The following SLC13A2 variants were observed in gnomAD, a reference collection of about 807,000 sequenced individuals.
The protein encoded by SLC13A2 is Na(+)-coupled citrate transporter.
Under a neutral mutation model 58.5 loss-of-function variants are expected in SLC13A2, and 40 were observed. The observed-to-expected ratio is 0.68, with a 90% confidence interval of 0.53 to 0.89. The LOEUF (loss-of-function observed/expected upper bound fraction) is 0.89, where lower values mean the gene tolerates loss of function less well. Ranked by LOEUF, SLC13A2 falls within the 40% of genes least tolerant of loss-of-function variation. The pLI is 0.00. For missense variants in SLC13A2, 694 were observed against 772.6 expected, an observed-to-expected ratio of 0.90 and a Z score of 1.21; for synonymous variants, 341 against 331.6, an observed-to-expected ratio of 1.03 and a Z score of -0.31.
In SLC13A2 at chr17:28,496,563, C is replaced by T. The variant is rs782039519; in HGVS notation, c.1584C>T (p.Phe528=). 63 of 1,613,544 alleles carry T rather than the reference C, an allele frequency of 3.9e-5. No individual in the cohort carries two copies. The highest frequency in any genetic ancestry group is 4.7e-5 in the Non-Finnish European group (56 of 1,179,730). The change falls in exon 11 of 12, where the codon TTC becomes TTT. Residue 528 remains phenylalanine (F), a synonymous_variant. Coordinates refer to ENST00000314669, the MANE Select transcript of SLC13A2 (RefSeq NM_003984.4). This position sits in a 1 kb window ranked among gnomAD's most constrained non-coding sequence, Gnocchi z 4.2. ...CGCCCAATGCCATCGTCTTCTCTTT[C>T]GGGGACCTCAAAGTGTTGGATATGG... is the stretch of plus-strand genomic sequence containing the variant. ...ATPPNAIVFS[F]GDLKVLDMAR...
chr17:28,493,511 A>T, intron 6 of SLC13A2, 60 bp from the exon 7 acceptor site: 1 of 1,423,548 alleles, frequency 7.0e-7, no homozygotes, highest in Non-Finnish European at 9.4e-7. Flanking sequence ...AGGCACTCAG[A>T]GCCCCTTGCT....
intron 10 of SLC13A2, among the ~76,000 whole-genome samples, 173 bp downstream of exon 10, chr17:28,495,989 G>T (rs1567861549): frequency 6.6e-6 from 1 of 152,190 alleles, no homozygotes; most frequent in South Asian, 2.1e-4. Context: ...GGGCCCCAAG[G>T]CGCTTTGGCC....
At chr17:28,495,370 T>G (rs1241917812) in intron 9 of SLC13A2, among the ~76,000 whole-genome samples, 1 of 152,114 alleles carries the variant, frequency 6.6e-6, no homozygotes, top group East Asian at 1.9e-4. Flanking sequence ...CAGGAGTCAG[T>G]GCGGTCAAAG....
intron 1 of SLC13A2, among the ~76,000 whole-genome samples, chr17:28,482,154 G>A (rs1474927461): frequency 6.6e-6 from 1 of 151,828 alleles, no homozygotes; most frequent in Non-Finnish European, 1.5e-5. Flanking sequence ...CAAGTAGCTG[G>A]GATTACAGGC....
rs144798403 is a variant in SLC13A2, at chr17:28,496,539, G to T, written c.1560G>T (p.Pro520=). ...SLAFMLPVAT[P]PNAIVFSFGD... Reference sequence around the variant, plus strand: ...CCTTCATGTTGCCTGTGGCCACCCCGCCCAATGCCATCGTCTTCTCTTTCG... The same window carrying T: ...CCTTCATGTTGCCTGTGGCCACCCCTCCCAATGCCATCGTCTTCTCTTTCG... The change falls in exon 11 of 12, where the codon CCG becomes CCT. Residue 520 remains proline, a synonymous_variant. Coordinates refer to ENST00000314669, the MANE Select transcript of SLC13A2 (RefSeq NM_003984.4). This position sits in a 1 kb window ranked among gnomAD's most constrained non-coding sequence, Gnocchi z 4.2. The T allele has an allele frequency of 1.9e-6, 3 of 1,613,440 alleles. No homozygotes were observed. The African/African-American group carries it at 4.0e-5, about 22-fold the overall frequency.
chr17:28,497,058 GC>G, intron 11 of SLC13A2, 40 bp from the exon 12 acceptor site: 1 of 1,600,246 alleles, frequency 6.2e-7, no homozygotes, highest in South Asian at 1.1e-5. Context: ...GGGCAGTCCA[GC>G]CCAGTCCCTG....
At chr17:28,487,216 G>A (rs1008441455) in intron 1 of SLC13A2, among the ~76,000 whole-genome samples, 35 of 152,006 alleles carry the variant, frequency 2.3e-4, no homozygotes, top group African/African-American at 8.2e-4. Flanking sequence ...TGGATTCAGA[G>A]CCCCAGCTCA....
chr17:28,492,722 T>C (rs1259007813), intron 6 of SLC13A2, among the ~76,000 whole-genome samples: 12 of 152,182 alleles, frequency 7.9e-5, no homozygotes, highest in African/African-American at 2.9e-4. Flanking sequence ...AGTTGGAAAA[T>C]CATAGGAGAC....
Position 28,489,206 on chromosome 17 carries a change from A to G in SLC13A2, c.103-8A>G. On this transcript the variant is annotated splice_polypyrimidine_tract_variant and splice_region_variant and intron_variant, in intron 1 of 11. Coordinates refer to ENST00000314669, the MANE Select transcript of SLC13A2 (RefSeq NM_003984.4). ...CTGACAGCTCTGCCGCTTCTCTCCC[A>G]CCTGCAGGAGGCCTACTGCGCGTAT... 1 of 1,612,612 alleles carries G rather than the reference A, an allele frequency of 6.2e-7. No individual in the cohort carries two copies. Among genetic ancestry groups the G allele is most frequent in the Non-Finnish European group, 8.5e-7 (1 of 1,179,726 alleles).
Position 28,490,685 on chromosome 17 carries a change from G to A in SLC13A2, c.369-16G>A, listed in dbSNP as rs782525311. On this transcript the variant is annotated splice_polypyrimidine_tract_variant and intron_variant, in intron 3 of 11. Transcript: ENST00000314669. ...GGGAAGCTGGAACAGCAGTGTGTCT[G>A]TCTGCCCATCCCTAGGCTAATCCTG... 1 of 1,604,722 alleles carries A rather than the reference G, an allele frequency of 6.2e-7. No individual in the cohort carries two copies. Among genetic ancestry groups the A allele is most frequent in the Non-Finnish European group, 8.5e-7 (1 of 1,172,830 alleles).
In SLC13A2 at chr17:28,490,872, G is replaced by A. The variant is rs782539550; in HGVS notation, c.540G>A (p.Gln180=). 3.1e-6 allele frequency: 5 copies of A among 1,614,000 alleles called. No homozygotes were observed. In the South Asian group the frequency reaches 4.4e-5, roughly 14 times the overall value. Residue 180 remains glutamine, a synonymous_variant, in exon 4 of 12, where the codon CAG becomes CAA. Coordinates refer to ENST00000314669, the MANE Select transcript of SLC13A2 (RefSeq NM_003984.4). ...EGSNNPTFEL[Q]EPSPQKEVTK... ...GCAACAACCCCACCTTCGAGCTCCA[G>A]GAACCAAGTCCCCAGAAGGAGGTGA...
intron 9 of SLC13A2, 23 bp from the exon 10 acceptor site, chr17:28,495,632 A>T (rs368911025): frequency 6.9e-6 from 11 of 1,600,082 alleles, no homozygotes; most frequent in Non-Finnish European, 8.5e-6. Flanking sequence ...TGCCTCTCAC[A>T]TGCCATCCTC....
At chr17:28,476,412 A>T (rs1216166017) in intron 1 of SLC13A2, among the ~76,000 whole-genome samples, 1 of 151,910 alleles carries the variant, frequency 6.6e-6, no homozygotes, top group Non-Finnish European at 1.5e-5. Context: ...TAATTTGAAA[A>T]AACAAACAAA....
At chr17:28,484,256 G>C (rs991271817) in intron 1 of SLC13A2, among the ~76,000 whole-genome samples, 3 of 152,176 alleles carry the variant, frequency 2.0e-5, no homozygotes, top group Non-Finnish European at 4.4e-5. Context: ...CAGGGACTTA[G>C]AGTGTGAAAA....
chr17:28,493,655 G>C lies in SLC13A2; in HGVS notation c.963G>C (p.Leu321=). The change falls in exon 7 of 12, where the codon CTG becomes CTC. Residue 321 remains leucine (L), a synonymous_variant. Transcript: ENST00000314669. ...GCGTCATCCAGACCGAGCACAGGCTGCTGGGCCCCATGACCTTTGCAGAAA... is the reference window on the plus strand; with the variant it reads ...GCGTCATCCAGACCGAGCACAGGCTCCTGGGCCCCATGACCTTTGCAGAAA... ...AYCVIQTEHR[L]LGPMTFAEKA... is the part of the protein sequence containing the mutation. The C allele has an allele frequency of 1.9e-6, 3 of 1,614,242 alleles. No individual in the cohort carries two copies. The highest frequency in any genetic ancestry group is 1.1e-5 in the South Asian group (1 of 91,082).
Position 28,473,743 on chromosome 17 carries a change from T to C in SLC13A2, c.31T>C (p.Tyr11His). Reference protein sequence around the residue: MATCWQALWAYRSYLIVFFVP... With the variant: MATCWQALWAHRSYLIVFFVP... ...CACCTGCTGGCAGGCCCTGTGGGCC[T>C]ATCGCTCCTACCTGATCGTGTTCTT... The change falls in exon 1 of 12, where the codon TAT (tyrosine) becomes CAT (histidine). Residue 11 changes from tyrosine (Y) to histidine (H), a missense_variant. Coordinates refer to ENST00000314669, the MANE Select transcript of SLC13A2 (RefSeq NM_003984.4). 1 of 1,614,184 alleles carries C rather than the reference T, an allele frequency of 6.2e-7. No individual in the cohort carries two copies. Among genetic ancestry groups the C allele is most frequent in the South Asian group, 1.1e-5 (1 of 91,082 alleles).
chr17:28,480,968 G>A (rs1022271186), intron 1 of SLC13A2, among the ~76,000 whole-genome samples: 1 of 152,104 alleles, frequency 6.6e-6, no homozygotes, highest in Non-Finnish European at 1.5e-5. Context: ...TAAGAAGAAG[G>A]ACCCAGCCTC....
chr17:28,496,722 T>A lies in SLC13A2; in HGVS notation c.1608+135T>A. The A allele has an allele frequency of 8.0e-7, 1 of 1,242,308 alleles. No individual in the cohort carries two copies. The highest frequency in any genetic ancestry group is 1.1e-6 in the Non-Finnish European group (1 of 910,642). 77.0% of individuals were successfully genotyped at this position (1,242,308 alleles called of 1,614,324 possible). On this transcript the variant is annotated intron_variant, in intron 11 of 11. Coordinates refer to ENST00000314669, the MANE Select transcript of SLC13A2 (RefSeq NM_003984.4). The surrounding 1 kb of genome is among the most constrained non-coding windows in gnomAD (Gnocchi z 4.2). ...GTCCTCATCTGGAATGAAGGTGCAG[T>A]TGGGGAGGTTGGGACATGACCTCTC...
intron 6 of SLC13A2, among the ~76,000 whole-genome samples, chr17:28,492,311 G>C (rs566463498): frequency 5.1e-4 from 77 of 152,290 alleles, no homozygotes; most frequent in African/African-American, 1.8e-3. Flanking sequence ...GATATGGTGG[G>C]GTCACGACAG....
Sources: gnomAD v4.1 joint callset for allele counts (sites outside exome capture counted in the v4.1 genomes callset) on GRCh38, gnomAD v4.1.1 for gene constraint, Gnocchi (gnomAD v3.1) non-coding constraint, MANE v1.5 for transcripts, NCBI Gene and HGNC (gene_info 2026-07-23, HGNC 2026-07-21) for gene names.